Variants in UACA observed in about 807,000 individuals in gnomAD.
UACA encodes the protein uveal autoantigen with coiled-coil domains and ankyrin repeats, also known as nuclear membrane binding protein.
In UACA, 112 loss-of-function variants were observed where a neutral mutation model predicts 160.5. The ratio of observed to expected loss-of-function variants is 0.70; its 90% CI spans 0.60 to 0.82. The LOEUF (loss-of-function observed/expected upper bound fraction) is 0.82, where lower values mean the gene tolerates loss of function less well. Ranked by LOEUF, UACA falls within the 40% of genes least tolerant of loss-of-function variation. The pLI, the probability that UACA is intolerant of heterozygous loss-of-function variation, is 0.00. For missense variants in UACA, 1,574 were observed against 1,614.6 expected (o/e 0.97, Z 0.43); for synonymous variants, 557 against 568.4 (o/e 0.98, Z 0.29).
Position 70,668,514 on chromosome 15 carries a change from A to T in UACA, c.2170T>A (p.Leu724Met), listed in dbSNP as rs1179954027. The part of the protein sequence containing the change: ...TLQKEIEKVY[L>M]DNKLLKEQAH... The stretch of plus-strand genomic sequence containing the variant: ...TGCTCCTTGAGGAGCTTATTATCCA[A>T]ATAAACTTTTTCAATTTCCTTTTGT... The change falls in exon 16 of 19, where the codon TTG (leucine) becomes ATG (methionine). Residue 724 changes from leucine to methionine, a missense_variant. Coordinates refer to ENST00000322954, the MANE Select transcript of UACA (RefSeq NM_018003.4). The T allele has an allele frequency of 3.7e-6, 6 of 1,610,276 alleles. No individual in the cohort carries two copies. The highest frequency in any genetic ancestry group is 5.1e-6 in the Non-Finnish European group (6 of 1,179,364).
chr15:70,757,815 C>G (rs1436850490), intron 1 of UACA, among the ~76,000 whole-genome samples: 1 of 152,204 alleles, frequency 6.6e-6, no homozygotes, highest in Non-Finnish European at 1.5e-5. Flanking sequence ...CTGAGAGCCT[C>G]TTGGAGTTGG....
chr15:70,760,129 C>T (rs1257604685), intron 1 of UACA, among the ~76,000 whole-genome samples: 1 of 151,764 alleles, frequency 6.6e-6, no homozygotes, highest in Non-Finnish European at 1.5e-5. Context: ...ATTAAATGAA[C>T]AGTTTAAGAC....
Position 70,669,469 on chromosome 15 carries a change from AG to A in UACA, c.1222-8del. Reference sequence around the variant, plus strand: ...GTATACCTGGGGAAGTACACTGAAAAGAAAAAAAAAAAGACATCAATCACAA... The same window carrying A: ...GTATACCTGGGGAAGTACACTGAAAAAAAAAAAAAAAGACATCAATCACAA... On this transcript the variant is annotated splice_polypyrimidine_tract_variant and splice_region_variant and intron_variant, in intron 15 of 18. Coordinates refer to ENST00000322954, the MANE Select transcript of UACA (RefSeq NM_018003.4). 8 of 1,533,122 alleles carry A rather than the reference AG, an allele frequency of 5.2e-6. No homozygotes were observed. Among genetic ancestry groups the A allele is most frequent in the South Asian group, 2.6e-5 (2 of 78,194 alleles). The allele number at this position is 1,533,122 out of a possible 1,614,324, so 95.0% of individuals were successfully genotyped here.
intron 1 of UACA, among the ~76,000 whole-genome samples, chr15:70,729,766 T>G (rs530446034): frequency 1.4e-5 from 2 of 141,752 alleles, no homozygotes; most frequent in African/African-American, 3.0e-5. Context: ...AAGAGAGCAG[T>G]GGTTCTCCCA....
chr15:70,763,660 TC>T, upstream of UACA: 3 of 551,726 alleles, frequency 5.4e-6, no homozygotes, highest in East Asian at 1.1e-4. Flanking sequence ...GGGCGGGACT[TC>T]CCTTTTAAAC....
At chr15:70,700,767 A>G in intron 1 of UACA, among the ~76,000 whole-genome samples, 1 of 152,058 alleles carries the variant, frequency 6.6e-6, no homozygotes, top group Non-Finnish European at 1.5e-5. Context: ...TTAAAATATT[A>G]TACCAATTTA....
At chr15:70,717,394 TA>T (rs1566989368) in intron 1 of UACA, among the ~76,000 whole-genome samples, 5 of 152,346 alleles carry the variant, frequency 3.3e-5, no homozygotes, top group African/African-American at 1.2e-4. Context: ...AAAGATTACA[TA>T]GTAAGTATTT....
intron 1 of UACA, among the ~76,000 whole-genome samples, chr15:70,716,870 G>A (rs1197311063): frequency 6.6e-6 from 1 of 152,140 alleles, no homozygotes; most frequent in African/African-American, 2.4e-5. Context: ...CAATCTGAAT[G>A]GCCATGCAAT....
intron 1 of UACA, among the ~76,000 whole-genome samples, chr15:70,719,019 A>AT (rs1421266531): frequency 6.6e-6 from 1 of 151,710 alleles, no homozygotes; most frequent in African/African-American, 2.4e-5. Context: ...TCCCCCAGTC[A>AT]TAGGAAGGAG....
At chr15:70,748,620 CCTACCCCTCCCTTTCCCTGTTCATT>C (rs1308879314) in intron 1 of UACA, among the ~76,000 whole-genome samples, 16 of 152,204 alleles carry the variant, frequency 1.1e-4, no homozygotes, top group Middle Eastern at 3.4e-3. Context: ...CCTACCTGCC[CCTACCCCTCCCTTTCCCTGTTCATT>C]CTACCCCTCC....
chr15:70,676,476 A>G lies in UACA; in HGVS notation c.1131+17T>C. ...TACCCATTATGAATTACAGGAAATA[A>G]TTTATCCTTTCTATACCTCAAAATA... On this transcript the variant is annotated intron_variant, in intron 13 of 18. Coordinates refer to ENST00000322954, the MANE Select transcript of UACA (RefSeq NM_018003.4). 1 of 1,539,644 alleles carries G rather than the reference A, an allele frequency of 6.5e-7. No homozygotes were observed. The highest frequency in any genetic ancestry group is 1.9e-4 in the Middle Eastern group (1 of 5,154).
intron 17 of UACA, among the ~76,000 whole-genome samples, chr15:70,664,363 G>A (rs1375985584): frequency 2.6e-5 from 4 of 152,122 alleles, no homozygotes; most frequent in Non-Finnish European, 4.4e-5. Context: ...CATCAAATAT[G>A]TTATTCTTTG....
chr15:70,668,891 C>T lies in UACA; in HGVS notation c.1793G>A (p.Cys598Tyr). ...NKRLQKELSM[C>Y]EMEREKKGRK... The stretch of plus-strand genomic sequence containing the variant: ...TCCTTTCTTCTCTCGCTCCATTTCA[C>T]ACATACTAAGTTCCTTCTGTAATCG... Residue 598 changes from cysteine to tyrosine, a missense_variant, in exon 16 of 19, where the codon TGT becomes TAT. By Grantham distance (194) the Cys-to-Tyr change is radical (BLOSUM62 -2). Transcript: ENST00000322954. The T allele has an allele frequency of 6.2e-7, 1 of 1,613,696 alleles. No homozygotes were observed. Among genetic ancestry groups the T allele is most frequent in the South Asian group, 1.1e-5 (1 of 91,022 alleles).
chr15:70,693,336 T>G (rs1898007784), intron 3 of UACA, among the ~76,000 whole-genome samples: 1 of 152,196 alleles, frequency 6.6e-6, no homozygotes, highest in Non-Finnish European at 1.5e-5. Flanking sequence ...GGTGCATACC[T>G]GGTAAGACCT....
intron 2 of UACA, among the ~76,000 whole-genome samples, chr15:70,697,662 C>G (rs1176276797): frequency 1.3e-5 from 2 of 152,112 alleles, no homozygotes; most frequent in African/African-American, 4.8e-5. Context: ...TGTAACATGT[C>G]CCACACTTGA....
At chr15:70,674,669 C>CTCCCAGA (rs1897253159) in intron 13 of UACA, among the ~76,000 whole-genome samples, 1 of 152,094 alleles carries the variant, frequency 6.6e-6, no homozygotes, top group South Asian at 2.1e-4. Context: ...CGTGATCTCA[C>CTCCCAGA]TCATTGCAAC....
intron 8 of UACA, among the ~76,000 whole-genome samples, chr15:70,683,199 A>T (rs1456071335): frequency 6.6e-6 from 1 of 151,898 alleles, no homozygotes; most frequent in Admixed American, 6.6e-5. Flanking sequence ...CTACAAAAAA[A>T]ATATAAAAAA....
chr15:70,685,607 G>A (rs945769619), intron 7 of UACA, among the ~76,000 whole-genome samples: 2 of 152,118 alleles, frequency 1.3e-5, no homozygotes, highest in African/African-American at 2.4e-5. Context: ...AAATTATGTT[G>A]AAAACCATAT....
At chr15:70,702,048 T>C in intron 1 of UACA, 3 of 1,413,586 alleles carry the variant, frequency 2.1e-6, no homozygotes, top group Non-Finnish European at 2.8e-6. Context: ...TGTGCTACAC[T>C]TAGCTTGGAT....
Sources: gnomAD v4.1 joint callset for allele counts (sites outside exome capture counted in the v4.1 genomes callset) on GRCh38, gnomAD v4.1.1 for gene constraint, MANE v1.5 for transcripts, NCBI Gene and HGNC (gene_info 2026-07-23, HGNC 2026-07-21) for gene names.